ELF2: variants seen among roughly 807,000 people sequenced by gnomAD.
The protein encoded by ELF2 is E74 like ETS transcription factor 2.
Under a neutral mutation model 54.8 loss-of-function variants are expected in ELF2, and 11 were observed. The ratio of observed to expected loss-of-function variants is 0.20; its 90% CI spans 0.13 to 0.33. The LOEUF (loss-of-function observed/expected upper bound fraction) is 0.33. Among genes scored for constraint, ELF2 ranks in the 10% least tolerant of loss-of-function variants. The probability of loss-of-function intolerance (pLI) is 1.00; values close to 1 mark genes in which losing one functional copy is unlikely to be tolerated. For synonymous variants in ELF2, 203 were observed against 245.1 expected, an observed-to-expected ratio of 0.83 and a Z score of 1.61; for missense variants, 513 against 703.0, an observed-to-expected ratio of 0.73 and a Z score of 3.06.
intron 4 of ELF2, among the ~76,000 whole-genome samples, chr4:139,089,288 A>C (rs899088136): frequency 6.6e-6 from 1 of 152,212 alleles, no homozygotes; most frequent in Non-Finnish European, 1.5e-5. Context: ...TTAAGAACCC[A>C]TCTCACACAT....
At chr4:139,102,733 C>T (rs1400286444) in intron 4 of ELF2, among the ~76,000 whole-genome samples, 1 of 151,298 alleles carries the variant, frequency 6.6e-6, no homozygotes, top group South Asian at 2.1e-4. Flanking sequence ...CCCAGCTACT[C>T]GGGAGGCTGA....
intron 4 of ELF2, chr4:139,115,325 G>A: frequency 2.0e-6 from 3 of 1,498,508 alleles, no homozygotes; most frequent in African/African-American, 1.4e-5. Flanking sequence ...GCCCGGCCCG[G>A]GGGCCGGGGT....
intron 4 of ELF2, among the ~76,000 whole-genome samples, chr4:139,090,156 T>G (rs1434540959): frequency 1.3e-5 from 2 of 152,202 alleles, no homozygotes; most frequent in African/African-American, 2.4e-5. Context: ...CTTGAACTCC[T>G]GGTCTCAAGA....
chr4:139,088,718 A>AC (rs1202029119), intron 4 of ELF2, among the ~76,000 whole-genome samples: 1 of 149,612 alleles, frequency 6.7e-6, no homozygotes, highest in Non-Finnish European at 1.5e-5. Context: ...TTATCCCCCC[A>AC]CTAGGGGGAT....
intron 1 of ELF2, among the ~76,000 whole-genome samples, chr4:139,163,384 G>A (rs1741365524): frequency 6.6e-6 from 1 of 152,100 alleles, no homozygotes; most frequent in Non-Finnish European, 1.5e-5. Context: ...AAAGGACTCA[G>A]TAAGCAGGAG....
intron 1 of ELF2, among the ~76,000 whole-genome samples, chr4:139,146,946 T>C (rs1459802289): frequency 6.6e-6 from 1 of 151,976 alleles, no homozygotes; most frequent in African/African-American, 2.4e-5. Flanking sequence ...TAGAAAAAAA[T>C]TCTTCTGGAC....
In ELF2 at chr4:139,061,960, T is replaced by C. The variant is rs1472344750; in HGVS notation, c.711A>G (p.Ile237Met). The change falls in exon 8 of 10, where the codon ATA becomes ATG. Residue 237 changes from isoleucine (I) to methionine (M), a missense_variant. Ile to Met is a conservative substitution (Grantham distance 10). This residue lies in a region of ELF2 where 19 missense variants were observed against 91.0 expected (regional missense o/e 0.21). Transcript: ENST00000686138. ...CAGCCTTTGAATCCACCAGCTTGAA[T>C]ATGCCTTTTTCTCTCTGAGTCCATT... ...YIKWTQREKG[I>M]FKLVDSKAVS... 4 of 1,613,864 alleles carry C rather than the reference T, an allele frequency of 2.5e-6. No individual in the cohort carries two copies. In the African/African-American group the frequency reaches 5.3e-5, roughly 22 times the overall value.
intron 3 of ELF2, among the ~76,000 whole-genome samples, chr4:139,133,859 C>A (rs769236942): frequency 6.6e-6 from 1 of 152,200 alleles, no homozygotes; most frequent in Admixed American, 6.5e-5. Flanking sequence ...ACACTCACCT[C>A]ATATCCTCTG....
intron 1 of ELF2, among the ~76,000 whole-genome samples, chr4:139,150,709 G>C (rs1401374095): frequency 6.6e-6 from 1 of 151,848 alleles, no homozygotes; most frequent in African/African-American, 2.4e-5. Flanking sequence ...ATACAGGAAA[G>C]AGGTAAATTA....
chr4:139,176,792 C>T (rs943349585), intron 1 of ELF2, among the ~76,000 whole-genome samples, 175 bp downstream of exon 1: 13 of 152,032 alleles, frequency 8.6e-5, no homozygotes, highest in Admixed American at 2.0e-4. Context: ...CTTCCCCCAG[C>T]CCCCGGCCGG....
chr4:139,074,439 C>T (rs1010170764), intron 4 of ELF2, among the ~76,000 whole-genome samples: 6 of 152,034 alleles, frequency 3.9e-5, no homozygotes, highest in Non-Finnish European at 8.8e-5. Context: ...CCAAGGGTTC[C>T]GCATCAGCAG....
Position 139,115,477 on chromosome 4 carries a change from G to A in ELF2, c.238+9687C>T, listed in dbSNP as rs540519649. ...GTTAGCTCGCCGCGGCGAGGGCAGC[G>A]GCGGGGGTGCCCGAGGGCAGCTGCA... is the stretch of plus-strand genomic sequence containing the variant. On this transcript the variant is annotated intron_variant, in intron 4 of 9. Transcript: ENST00000686138. 34 of 847,428 alleles carry A rather than the reference G, an allele frequency of 4.0e-5. 1 individual carries two copies. In the South Asian group the frequency reaches 1.4e-3, roughly 35 times the overall value. 52.5% of individuals were successfully genotyped at this position (847,428 alleles called of 1,614,324 possible). A position where few individuals can be genotyped will look rare whatever the true frequency, so the allele number is the denominator to read the frequency against.
chr4:139,060,029 TTA>T (rs1444152106), intron 9 of ELF2, among the ~76,000 whole-genome samples: 3 of 152,038 alleles, frequency 2.0e-5, no homozygotes, highest in Non-Finnish European at 4.4e-5. Context: ...TATTTTTATT[TTA>T]TAGAGAGGAG....
intron 1 of ELF2, among the ~76,000 whole-genome samples, chr4:139,151,194 A>G (rs1352545307): frequency 1.3e-5 from 2 of 152,154 alleles, no homozygotes; most frequent in Non-Finnish European, 2.9e-5. Context: ...AATAAATTAC[A>G]GATACAGAAG....
chr4:139,071,815 TAA>T (rs1729551452), intron 6 of ELF2, 49 bp downstream of exon 6: 1 of 1,525,846 alleles, frequency 6.6e-7, no homozygotes, highest in Non-Finnish European at 8.8e-7. Context: ...AGGAAAAAGA[TAA>T]GAGAAAAATT....
intron 4 of ELF2, among the ~76,000 whole-genome samples, chr4:139,107,997 TG>T (rs1057278740): frequency 6.6e-6 from 1 of 151,146 alleles, no homozygotes; most frequent in Non-Finnish European, 1.5e-5. Context: ...GAGCTAAAAC[TG>T]AAAAGGTGAG....
At chr4:139,143,522 T>A (rs958127588) in intron 1 of ELF2, among the ~76,000 whole-genome samples, 2 of 152,122 alleles carry the variant, frequency 1.3e-5, no homozygotes, top group African/African-American at 2.4e-5. Context: ...GTGGCTCACA[T>A]CTGTAATCCC....
In ELF2 at chr4:139,098,736, G is replaced by A. The variant is rs539931958; in HGVS notation, c.239-25169C>T. ...ACCCGCCTCGGCCTCCCAAAGTGCT[G>A]GGATTACAGGCATGAGCCACCGTGC... is the stretch of plus-strand genomic sequence containing the variant. On this transcript the variant is annotated intron_variant, in intron 4 of 9. Transcript: ENST00000686138. Among the ~76,000 whole-genome samples, 456 of 152,200 alleles carry A rather than the reference G, an allele frequency of 3.0e-3. 1 individual carries two copies. The highest frequency in any genetic ancestry group is 0.011 in the African/African-American group (445 of 41,546).
intron 4 of ELF2, among the ~76,000 whole-genome samples, chr4:139,082,393 C>T (rs921556627): frequency 1.3e-5 from 2 of 152,198 alleles, no homozygotes; most frequent in Admixed American, 6.5e-5. Context: ...ATTGTGCTCT[C>T]TTACTAAACT....
Sources: gnomAD v4.1 joint callset for allele counts (sites outside exome capture counted in the v4.1 genomes callset) on GRCh38, gnomAD v4.1.1 for gene constraint, gnomAD v4.1.1 regional missense constraint, MANE v1.5 for transcripts, NCBI Gene and HGNC (gene_info 2026-07-23, HGNC 2026-07-21) for gene names.